Variants in PTGR1 observed in about 807,000 individuals in gnomAD.
The protein encoded by PTGR1 is prostaglandin reductase 1, also known as 15-oxoprostaglandin 13-reductase.
Under a neutral mutation model 37.7 loss-of-function variants are expected in PTGR1, and 23 were observed. The ratio of observed to expected loss-of-function variants is 0.61; its 90% CI spans 0.44 to 0.86. The LOEUF (loss-of-function observed/expected upper bound fraction) is 0.86. Among genes scored for constraint, PTGR1 ranks in the 40% least tolerant of loss-of-function variants. The pLI is 0.00. For missense variants in PTGR1, 351 were observed against 394.3 expected (o/e 0.89, Z 0.93); for synonymous variants, 134 against 140.0 (o/e 0.96, Z 0.30).
chr9:111,564,462 T>G (rs1356789446), intron 9 of PTGR1, among the ~76,000 whole-genome samples: 1 of 151,992 alleles, frequency 6.6e-6, no homozygotes, highest in African/African-American at 2.4e-5. Flanking sequence ...TGTGCCACCA[T>G]GCCCAGCTAA....
At chr9:111,561,795 T>G (rs1257748078), downstream of PTGR1, among the ~76,000 whole-genome samples, 1 of 151,852 alleles carries the variant, frequency 6.6e-6, no homozygotes, top group Admixed American at 6.6e-5. Context: ...GTGGTAATCT[T>G]AAGACTTCAA....
chr9:111,591,589 C>T (rs904205116), intron 4 of PTGR1, among the ~76,000 whole-genome samples: 10 of 151,880 alleles, frequency 6.6e-5, no homozygotes, highest in African/African-American at 1.4e-4. Context: ...AGGCTGGTCT[C>T]GAACTCCTGA....
chr9:111,595,227 G>A (rs1228914385), intron 2 of PTGR1, among the ~76,000 whole-genome samples: 1 of 151,928 alleles, frequency 6.6e-6, no homozygotes, highest in African/African-American at 2.4e-5. Context: ...TGCTTCTATC[G>A]CAGAGACAAG....
intron 9 of PTGR1, chr9:111,564,225 T>G (rs2146078): frequency 0.065 from 69,749 of 1,075,618 alleles, 2,920 homozygotes; most frequent in East Asian, 0.24. Context: ...ATAGACAAGA[T>G]TATTTGCTTG....
chr9:111,558,106 C>T (rs767305942), downstream of PTGR1, among the ~76,000 whole-genome samples: 5 of 152,082 alleles, frequency 3.3e-5, no homozygotes, highest in Non-Finnish European at 7.4e-5. Flanking sequence ...GAGATTGCAC[C>T]ACTGCACTCC....
At chr9:111,560,977 A>G (rs1429860426), downstream of PTGR1, among the ~76,000 whole-genome samples, 1 of 10,798 alleles carries the variant, frequency 9.3e-5, no homozygotes, top group East Asian at 1.9e-3. Context: ...ATATATATAG[A>G]GAGAGAGAGA....
chr9:111,557,619 C>CG (rs1178525083), downstream of PTGR1, among the ~76,000 whole-genome samples: 1 of 151,722 alleles, frequency 6.6e-6, no homozygotes, highest in Non-Finnish European at 1.5e-5. Flanking sequence ...TTAGTAGAGA[C>CG]GGGGTTTCAC....
chr9:111,557,476 C>T (rs953739304), intron 9 of PTGR1, among the ~76,000 whole-genome samples: 3 of 151,624 alleles, frequency 2.0e-5, no homozygotes, highest in Non-Finnish European at 4.4e-5. Context: ...GATGGAGTCT[C>T]GCTCTGTCTC....
chr9:111,590,443 C>A (rs1164481439), intron 4 of PTGR1, among the ~76,000 whole-genome samples: 1 of 152,086 alleles, frequency 6.6e-6, no homozygotes, highest in African/African-American at 2.4e-5. Context: ...ACTGCAACCT[C>A]TGCCTCCTGG....
chr9:111,598,624 A>G (rs528387637), intron 1 of PTGR1, among the ~76,000 whole-genome samples: 1 of 152,126 alleles, frequency 6.6e-6, no homozygotes, highest in East Asian at 1.9e-4. Context: ...CCTCCTGAGT[A>G]GCTGGGATTA....
At chr9:111,563,562 G>A in intron 9 of PTGR1, 1 of 168,836 alleles carries the variant, frequency 5.9e-6, no homozygotes, top group Non-Finnish European at 1.3e-5. Context: ...CTGGAGTGCA[G>A]TGCCGCGATC....
chr9:111,584,154 C>T (rs938394062), intron 5 of PTGR1, among the ~76,000 whole-genome samples: 8 of 152,194 alleles, frequency 5.3e-5, no homozygotes, highest in African/African-American at 1.9e-4. Context: ...CTGGACCTAC[C>T]AAGATGCAGC....
chr9:111,572,209 G>C (rs1419442559), intron 8 of PTGR1, among the ~76,000 whole-genome samples: 2 of 152,194 alleles, frequency 1.3e-5, no homozygotes, highest in African/African-American at 2.4e-5. Context: ...AGAAACTAAT[G>C]CAAGAGAATG....
chr9:111,551,847 A>T (rs1827969997), intron 9 of PTGR1, among the ~76,000 whole-genome samples: 1 of 152,242 alleles, frequency 6.6e-6, no homozygotes, highest in South Asian at 2.1e-4. Context: ...ATCAAATTTG[A>T]TGAAGCAGTG....
intron 9 of PTGR1, among the ~76,000 whole-genome samples, chr9:111,566,389 G>A (rs979599550): frequency 4.6e-5 from 7 of 152,170 alleles, no homozygotes; most frequent in African/African-American, 1.2e-4. Flanking sequence ...AGCCCAGCCC[G>A]GCACTGCAAG....
intron 9 of PTGR1, among the ~76,000 whole-genome samples, chr9:111,552,061 C>A (rs1275533572): frequency 6.6e-6 from 1 of 152,140 alleles, no homozygotes; most frequent in Non-Finnish European, 1.5e-5. Context: ...AAGTTTTTCC[C>A]ATTTTAGGAG....
At chr9:111,586,227 C>A (rs925975802) in intron 4 of PTGR1, 62 bp from the exon 5 acceptor site, 2 of 1,526,324 alleles carry the variant, frequency 1.3e-6, no homozygotes, top group African/African-American at 2.7e-5. Flanking sequence ...TCAAGGGAGT[C>A]AGGATGCTGT....
chr9:111,598,151 C>T (rs528496677), intron 1 of PTGR1, among the ~76,000 whole-genome samples: 37 of 152,176 alleles, frequency 2.4e-4, no homozygotes, highest in African/African-American at 8.7e-4. Context: ...TTTTCTTTGG[C>T]CCAGTAGGGA....
chr9:111,560,944 AATATATAT>A (rs746101013), downstream of PTGR1, among the ~76,000 whole-genome samples: 462 of 31,120 alleles, frequency 0.015, 15 homozygotes, highest in Middle Eastern at 0.026. Context: ...CTCCATCTAA[AATATATAT>A]ATATATATAT....
Sources: allele counts gnomAD v4.1 joint callset (sites outside exome capture counted in the v4.1 genomes callset), GRCh38; gene constraint gnomAD v4.1.1; transcripts MANE v1.5; gene names NCBI Gene and HGNC (gene_info 2026-07-23, HGNC 2026-07-21).